PKD1L1: variants seen among roughly 807,000 people sequenced by gnomAD.
PKD1L1 encodes the protein polycystin-1-like protein 1.
A neutral mutation model predicts 323.4 loss-of-function variants in PKD1L1; 236 were observed. The observed-to-expected ratio is 0.73, with a 90% CI of 0.66 to 0.81. The LOEUF (loss-of-function observed/expected upper bound fraction) is 0.81. PKD1L1 is among the 40% of genes least tolerant of loss of function. The pLI is 0.00. For synonymous variants in PKD1L1, 1,344 were observed against 1,335.0 expected (o/e 1.01, Z -0.15); for missense variants, 3,320 against 3,508.0 (o/e 0.95, Z 1.35).
chr7:47,809,285 G>A (rs1293776435), intron 51 of PKD1L1, 188 bp downstream of exon 51: 8 of 532,192 alleles, frequency 1.5e-5, no homozygotes, highest in African/African-American at 5.7e-5. Context: ...GGTACATGAC[G>A]GTAACTGTAA....
intron 7 of PKD1L1, among the ~76,000 whole-genome samples, chr7:47,923,277 C>T (rs1346629047): frequency 6.6e-6 from 1 of 150,886 alleles, no homozygotes; most frequent in African/African-American, 2.5e-5. Context: ...CCAGTATTGT[C>T]CTATGACCCT....
chr7:47,864,843 T>C (rs1227564462), intron 26 of PKD1L1, among the ~76,000 whole-genome samples: 5 of 151,714 alleles, frequency 3.3e-5, no homozygotes, highest in African/African-American at 4.8e-5. Context: ...CTCAGTAGAG[T>C]ACTCCTCCTG....
At position 47,908,208 on chromosome 7, in the gene PKD1L1, T is replaced by A. The variant is rs1434889980; in HGVS notation, c.1271A>T (p.His424Leu). 2 of 1,614,208 alleles carry A rather than the reference T, an allele frequency of 1.2e-6. No homozygotes were observed. Among genetic ancestry groups the A allele is most frequent in the South Asian group, 2.2e-5 (2 of 91,084 alleles). ...AGGCCCAAGCTCCACTTCGGTTCCATGAAACTCGTTATAAATAACAGCCTT... is the reference window on the plus strand; with the variant it reads ...AGGCCCAAGCTCCACTTCGGTTCCAAGAAACTCGTTATAAATAACAGCCTT... ...MLKAVIYNEF[H>L]GTEVELGPYY... Residue 424 changes from histidine (H) to leucine (L), a missense_variant, in exon 9 of 57, where the codon CAT becomes CTT. His to Leu is a moderately conservative substitution (Grantham distance 99, BLOSUM62 -3). Transcript: ENST00000289672.
At position 47,929,511 on chromosome 7, in the gene PKD1L1, C is replaced by G. The variant is rs574059167; in HGVS notation, c.753G>C (p.Pro251=). The G allele has an allele frequency of 5.0e-6, 8 of 1,613,188 alleles. No homozygotes were observed. Among genetic ancestry groups the G allele is most frequent in the South Asian group, 1.1e-5 (1 of 90,954 alleles). ...PTSPRSSHGL[P]PGIPRTPSFT... ...AGCTGGGGGTGCGAGGAATGCCAGG[C>G]GGAAGGCCGTGGGAGCTGTGGGAGA... Residue 251 remains proline (P), a synonymous_variant, in exon 7 of 57, where the codon CCG becomes CCC. Transcript: ENST00000289672.
intron 16 of PKD1L1, among the ~76,000 whole-genome samples, chr7:47,889,536 C>T (rs1330908850): frequency 6.6e-6 from 1 of 152,138 alleles, no homozygotes; most frequent in African/African-American, 2.4e-5. Flanking sequence ...ATGGCCCACT[C>T]TTATCCACTC....
chr7:47,842,722 A>G (rs751401908), intron 34 of PKD1L1, among the ~76,000 whole-genome samples: 2 of 152,118 alleles, frequency 1.3e-5, no homozygotes, highest in African/African-American at 2.4e-5. Context: ...TGCTTTCCAC[A>G]GTGGAGACAG....
chr7:47,880,265 C>G (rs200960789), intron 21 of PKD1L1, among the ~76,000 whole-genome samples: 1,070 of 75,590 alleles, frequency 0.014, 62 homozygotes, highest in African/African-American at 0.067. Context: ...TATATATATA[C>G]ATATATATAT....
chr7:47,860,439 A>C (rs1019171926), intron 26 of PKD1L1, among the ~76,000 whole-genome samples: 1 of 152,248 alleles, frequency 6.6e-6, no homozygotes, highest in African/African-American at 2.4e-5. Context: ...ATGTGTGTCC[A>C]TGAAATGAAA....
chr7:47,919,793 A>G (rs1190741224), intron 7 of PKD1L1, among the ~76,000 whole-genome samples: 1 of 152,236 alleles, frequency 6.6e-6, no homozygotes, highest in Non-Finnish European at 1.5e-5. Flanking sequence ...AGATGCAGAA[A>G]AAGCATTCAA....
At chr7:47,786,082 C>A (rs753374438) in intron 56 of PKD1L1, among the ~76,000 whole-genome samples, 9 of 152,136 alleles carry the variant, frequency 5.9e-5, no homozygotes, top group Non-Finnish European at 1.2e-4. Flanking sequence ...CTGTTTCTTC[C>A]TCAAGGATTC....
At chr7:47,955,151 A>G in the PKD1L1 span, among the ~76,000 whole-genome samples, 3 of 152,230 alleles carry the variant, frequency 2.0e-5, no homozygotes, top group African/African-American at 7.2e-5. Context: ...GGCCCATGGT[A>G]AAAAGAGATG....
intron 28 of PKD1L1, among the ~76,000 whole-genome samples, chr7:47,857,343 C>T (rs1785927674): frequency 1.3e-5 from 2 of 152,234 alleles, no homozygotes; most frequent in Middle Eastern, 3.4e-3. Context: ...ATTAGAAGGC[C>T]TCAAGGAAAC....
chr7:47,805,112 CACACACACAT>C (rs767456688), intron 52 of PKD1L1, among the ~76,000 whole-genome samples: 1 of 148,454 alleles, frequency 6.7e-6, no homozygotes, highest in African/African-American at 2.4e-5. Context: ...CACACACACA[CACACACACAT>C]TCAAATCCTA....
In PKD1L1 at chr7:47,904,611, A is replaced by C; in HGVS notation, c.1698T>G (p.Arg566=). The change falls in exon 12 of 57, where the codon CGT becomes CGG. Residue 566 remains arginine, a synonymous_variant. Coordinates refer to ENST00000289672, the MANE Select transcript of PKD1L1 (RefSeq NM_138295.5). ...KKRLSIPQWY[R]VMVKASNRMS... is the part of the protein sequence containing the mutation. ...TCCTGTTGGAAGCCTTAACCATCACACGATACCTGCAGGATGGGGAAAGGA... is the reference window on the plus strand; with the variant it reads ...TCCTGTTGGAAGCCTTAACCATCACCCGATACCTGCAGGATGGGGAAAGGA... The C allele has an allele frequency of 6.2e-7, 1 of 1,611,430 alleles. No individual in the cohort carries two copies. The highest frequency in any genetic ancestry group is 8.5e-7 in the Non-Finnish European group (1 of 1,177,938).
chr7:47,914,737 C>T (rs1787392528), intron 8 of PKD1L1, among the ~76,000 whole-genome samples: 1 of 151,714 alleles, frequency 6.6e-6, no homozygotes, highest in Admixed American at 6.6e-5. Flanking sequence ...CTCTCTTTCT[C>T]TCTCTCTTTT....
intron 2 of PKD1L1, among the ~76,000 whole-genome samples, chr7:47,942,222 T>C (rs1405047798): frequency 1.3e-5 from 2 of 152,170 alleles, no homozygotes; most frequent in African/African-American, 4.8e-5. Flanking sequence ...TTATCTCCCT[T>C]CTCCTCATCT....
In PKD1L1 at chr7:47,882,089, G is replaced by A; in HGVS notation, c.3266-4C>T. Reference sequence around the variant, plus strand: ...CCTGGAAAGCTGGTGTCCTTAGCTAGGAAGATAAACCAAGCCAATAGATGT... The same window carrying A: ...CCTGGAAAGCTGGTGTCCTTAGCTAAGAAGATAAACCAAGCCAATAGATGT... On this transcript the variant is annotated splice_region_variant and splice_polypyrimidine_tract_variant and intron_variant, in intron 19 of 56. Coordinates refer to ENST00000289672, the MANE Select transcript of PKD1L1 (RefSeq NM_138295.5). 1.9e-6 allele frequency: 3 copies of A among 1,612,428 alleles called. No homozygotes were observed. The highest frequency in any genetic ancestry group is 2.5e-6 in the Non-Finnish European group (3 of 1,179,588).
At chr7:47,790,079 C>T (rs190933041) in intron 56 of PKD1L1, among the ~76,000 whole-genome samples, 4 of 151,714 alleles carry the variant, frequency 2.6e-5, no homozygotes, top group African/African-American at 4.8e-5. Context: ...TTAGTAGAGA[C>T]GGAGTTTCAC....
rs201960493 is a variant in PKD1L1, at chr7:47,929,221, T to C, written c.1043A>G (p.Tyr348Cys). The C allele has an allele frequency of 1.9e-6, 3 of 1,614,052 alleles. No individual in the cohort carries two copies. Among genetic ancestry groups the C allele is most frequent in the Non-Finnish European group, 2.5e-6 (3 of 1,179,964 alleles). ...NMSEAMAVTAYHQYSKGIFFH... is the reference protein window; with the variant it reads ...NMSEAMAVTACHQYSKGIFFH... Reference sequence around the variant, plus strand: ...CACCTTACCTTTTGAGTACTGGTGGTAGGCAGTCACCGCCATTGCCTCAGA... The same window carrying C: ...CACCTTACCTTTTGAGTACTGGTGGCAGGCAGTCACCGCCATTGCCTCAGA... Residue 348 changes from tyrosine (Y) to cysteine (C), a missense_variant, in exon 7 of 57, where the codon TAC becomes TGC. Transcript: ENST00000289672.
Sources: allele counts gnomAD v4.1 joint callset (sites outside exome capture counted in the v4.1 genomes callset), GRCh38; gene constraint gnomAD v4.1.1; transcripts MANE v1.5; gene names NCBI Gene and HGNC (gene_info 2026-07-23, HGNC 2026-07-21).